PRKG1: variants seen among roughly 807,000 people sequenced by gnomAD.
PRKG1 encodes cGMP-dependent protein kinase 1.
PRKG1 carries 35 observed loss-of-function variants against 88.1 expected under a neutral mutation model. The observed-to-expected ratio is 0.40, with a 90% CI of 0.30 to 0.53. PRKG1 has a LOEUF of 0.53. Ranked by LOEUF, PRKG1 falls within the 20% of genes least tolerant of loss-of-function variation. PRKG1 has a pLI of 0.59. For synonymous variants in PRKG1, 303 were observed against 292.5 expected (o/e 1.04, Z -0.37); for missense variants, 540 against 839.8 (o/e 0.64, Z 4.41).
chr10:51,814,680 G>C (rs949806046), intron 4 of PRKG1, among the ~76,000 whole-genome samples: 3 of 152,082 alleles, frequency 2.0e-5, no homozygotes, highest in South Asian at 2.1e-4. Context: ...TCTCATTAAA[G>C]ATGACACAAG....
At chr10:51,309,229 C>A (rs1309845234) in intron 2 of PRKG1, among the ~76,000 whole-genome samples, 1 of 152,108 alleles carries the variant, frequency 6.6e-6, no homozygotes, top group African/African-American at 2.4e-5. Flanking sequence ...GTAACCAACA[C>A]AAGTGTCTTT....
chr10:51,878,651 A>G (rs1189641520), intron 4 of PRKG1, among the ~76,000 whole-genome samples: 1 of 152,124 alleles, frequency 6.6e-6, no homozygotes, highest in Non-Finnish European at 1.5e-5. Context: ...CTCACCATCT[A>G]ATTTTGTTAC....
chr10:51,901,021 T>C (rs1199055113), intron 4 of PRKG1, among the ~76,000 whole-genome samples: 1 of 152,188 alleles, frequency 6.6e-6, no homozygotes, highest in Non-Finnish European at 1.5e-5. Context: ...TATTTATCTT[T>C]TTCTATGGTG....
chr10:51,961,789 T>C (rs1222151998), intron 5 of PRKG1, among the ~76,000 whole-genome samples: 1 of 152,208 alleles, frequency 6.6e-6, no homozygotes, highest in Non-Finnish European at 1.5e-5. Context: ...TATTCGATAC[T>C]TGAGGTAGTT....
intron 9 of PRKG1, among the ~76,000 whole-genome samples, chr10:52,172,360 C>T (rs1838723602): frequency 6.6e-6 from 1 of 152,114 alleles, no homozygotes; most frequent in Non-Finnish European, 1.5e-5. Context: ...GCTTCCTTTC[C>T]ACCATTGCTG....
intron 3 of PRKG1, among the ~76,000 whole-genome samples, chr10:51,712,694 A>G (rs1486687975): frequency 7.3e-6 from 1 of 137,660 alleles, no homozygotes; most frequent in Non-Finnish European, 1.5e-5. Context: ...GGTTCACGCT[A>G]TTCTCCTGCC....
chr10:51,861,344 T>G (rs4935286), intron 4 of PRKG1, among the ~76,000 whole-genome samples: 7 of 152,194 alleles, frequency 4.6e-5, no homozygotes, highest in Admixed American at 2.6e-4. Context: ...GTTATAAAAT[T>G]TAATTGCTTG....
intron 8 of PRKG1, among the ~76,000 whole-genome samples, chr10:52,159,184 CA>C (rs1313340207): frequency 1.3e-5 from 2 of 151,438 alleles, no homozygotes; most frequent in Non-Finnish European, 3.0e-5. Context: ...AATTACATTT[CA>C]AATGAAATTT....
chr10:51,488,514 C>G (rs990850000), intron 3 of PRKG1, among the ~76,000 whole-genome samples: 85 of 152,172 alleles, frequency 5.6e-4, no homozygotes, highest in African/African-American at 1.9e-3. Flanking sequence ...CTGATGGCAG[C>G]ACTATAAACC....
chr10:51,370,109 G>A (rs1842670024), intron 2 of PRKG1, among the ~76,000 whole-genome samples: 1 of 152,068 alleles, frequency 6.6e-6, no homozygotes, highest in South Asian at 2.1e-4. Flanking sequence ...GAGCATCATA[G>A]GGCAAACAAG....
chr10:51,160,094 T>C (rs997451750), intron 2 of PRKG1, among the ~76,000 whole-genome samples: 1 of 152,110 alleles, frequency 6.6e-6, no homozygotes, highest in African/African-American at 2.4e-5. Flanking sequence ...TTCTGCAAAC[T>C]CCAAGACTCT....
intron 2 of PRKG1, among the ~76,000 whole-genome samples, chr10:51,222,128 C>G (rs1252867483): frequency 1.6e-5 from 2 of 122,864 alleles, no homozygotes; most frequent in Admixed American, 7.4e-5. Context: ...CCGCGCCCCC[C>G]CCCGACCCCA....
At chr10:52,114,269 T>C (rs1221658167) in intron 7 of PRKG1, among the ~76,000 whole-genome samples, 1 of 152,052 alleles carries the variant, frequency 6.6e-6, no homozygotes, top group African/African-American at 2.4e-5. Context: ...GGAACAAATG[T>C]AGGTTCAAAT....
chr10:51,495,350 C>G (rs761417556), intron 3 of PRKG1, among the ~76,000 whole-genome samples: 3 of 152,236 alleles, frequency 2.0e-5, no homozygotes, highest in Non-Finnish European at 4.4e-5. Flanking sequence ...CCGCCTCGGC[C>G]TCCCAAAGTG....
chr10:51,749,458 G>C (rs867261391), intron 3 of PRKG1, among the ~76,000 whole-genome samples: 1 of 152,094 alleles, frequency 6.6e-6, no homozygotes, highest in Admixed American at 6.6e-5. Context: ...GGAAAGGAAA[G>C]AGATCACTCT....
intron 5 of PRKG1, among the ~76,000 whole-genome samples, chr10:51,959,263 A>C (rs1169444401): frequency 6.6e-6 from 1 of 152,178 alleles, no homozygotes; most frequent in African/African-American, 2.4e-5. Context: ...GTAATTAATC[A>C]TCATTTTACG....
At chr10:51,334,713 A>T (rs1841829478) in intron 2 of PRKG1, among the ~76,000 whole-genome samples, 1 of 152,148 alleles carries the variant, frequency 6.6e-6, no homozygotes, top group South Asian at 2.1e-4. Flanking sequence ...AATTTTCTGT[A>T]ATGGCAGAGA....
chr10:51,837,136 T>TTGATTTTTCAGTTAACG (rs1840152691), intron 4 of PRKG1, among the ~76,000 whole-genome samples: 1 of 152,152 alleles, frequency 6.6e-6, no homozygotes, highest in Non-Finnish European at 1.5e-5. Flanking sequence ...AAGAAGTAAG[T>TTGATTTTTCAGTTAACG]TGATTTTTCA....
At chr10:52,293,427 G>A (rs1316107828) in intron 17 of PRKG1, among the ~76,000 whole-genome samples, 1 of 151,792 alleles carries the variant, frequency 6.6e-6, no homozygotes, top group Non-Finnish European at 1.5e-5. Flanking sequence ...AGTTCATATG[G>A]AACCAAAAAA....
Sources: allele counts gnomAD v4.1 joint callset (sites outside exome capture counted in the v4.1 genomes callset), GRCh38; gene constraint gnomAD v4.1.1; transcripts MANE v1.5; gene names NCBI Gene and HGNC (gene_info 2026-07-23, HGNC 2026-07-21).